The following TOMM70 variants were observed in gnomAD, a reference collection of about 807,000 sequenced individuals.
TOMM70 encodes translocase of outer mitochondrial membrane 70.
A neutral mutation model predicts 73.6 loss-of-function variants in TOMM70; 13 were observed. That is an observed-to-expected ratio of 0.18 (90% confidence interval 0.11 to 0.28). The LOEUF (loss-of-function observed/expected upper bound fraction) is 0.28, where lower values mean the gene tolerates loss of function less well. TOMM70 is among the 10% of genes least tolerant of loss of function. TOMM70 has a pLI of 1.00. For synonymous variants in TOMM70, 257 were observed against 271.2 expected (o/e 0.95, Z 0.51); for missense variants, 609 against 747.5 (o/e 0.81, Z 2.16).
At chr3:100,367,932 T>C in intron 11 of TOMM70, 112 bp downstream of exon 11, 2 of 1,184,560 alleles carry the variant, frequency 1.7e-6, no homozygotes, top group Non-Finnish European at 1.1e-6. Flanking sequence ...ACGTGAATAA[T>C]ACAGGTGAAA....
intron 7 of TOMM70, 112 bp downstream of exon 7, chr3:100,374,906 C>T: frequency 8.0e-7 from 1 of 1,256,464 alleles, no homozygotes; most frequent in East Asian, 2.7e-5. Context: ...ACTTTGTTCA[C>T]AGCTATCAGA....
chr3:100,377,084 A>G (rs545706691), intron 6 of TOMM70, among the ~76,000 whole-genome samples: 5 of 152,354 alleles, frequency 3.3e-5, no homozygotes, highest in Non-Finnish European at 7.3e-5. Context: ...TAATGCAATG[A>G]GGAAACAGGT....
At position 100,386,866 on chromosome 3, in the gene TOMM70, G is replaced by A. The variant is rs1483059201; in HGVS notation, c.437C>T (p.Thr146Ile). ...TGTAGAAAGGTCAACATTCTTCTCT[G>A]TAGGGCACAAGCTAATAGCCTCAGT... ...CYTEAISLCP[T>I]EKNVDLSTFY... Residue 146 changes from threonine to isoleucine, a missense_variant, in exon 2 of 12, where the codon ACA (threonine) becomes ATA (isoleucine). Around this residue, in one of 2 missense-constraint regions of TOMM70, gnomAD observed 432 missense variants for 584.1 expected, o/e 0.74. Coordinates refer to ENST00000284320, the MANE Select transcript of TOMM70 (RefSeq NM_014820.5). The A allele has an allele frequency of 1.9e-6, 3 of 1,613,996 alleles. No individual in the cohort carries two copies. Among genetic ancestry groups the A allele is most frequent in the African/African-American group, 1.3e-5 (1 of 74,932 alleles).
chr3:100,377,991 A>T (rs1408499565), intron 5 of TOMM70, 79 bp from the exon 6 acceptor site: 2 of 1,304,338 alleles, frequency 1.5e-6, no homozygotes, highest in African/African-American at 2.9e-5. Flanking sequence ...TCACGCCTGT[A>T]ATCCCAGCAC....
intron 1 of TOMM70, among the ~76,000 whole-genome samples, chr3:100,389,287 C>G (rs944818280): frequency 6.6e-6 from 1 of 152,176 alleles, no homozygotes; most frequent in East Asian, 1.9e-4. Flanking sequence ...AACACAAGAA[C>G]AGAAATAGAA....
chr3:100,386,362 T>C lies in TOMM70; in HGVS notation c.499-18A>G. ...CATTTTTGCTGTAATTGAAAGTATT[T>C]AAAAAAAGTCACACTAAAGAAAGTA... is the stretch of plus-strand genomic sequence containing the variant. On this transcript the variant is annotated intron_variant, in intron 2 of 11. Transcript: ENST00000284320. 1.3e-6 allele frequency: 2 copies of C among 1,587,234 alleles called. No homozygotes were observed. Among genetic ancestry groups the C allele is most frequent in the East Asian group, 4.5e-5 (2 of 44,536 alleles).
chr3:100,388,299 C>T (rs1165125938), intron 1 of TOMM70, among the ~76,000 whole-genome samples: 2 of 152,108 alleles, frequency 1.3e-5, no homozygotes, highest in Non-Finnish European at 2.9e-5. Flanking sequence ...GGGGGGCAAT[C>T]GTCAGGGTGA....
At chr3:100,387,581 GAC>G (rs1195105016) in intron 1 of TOMM70, among the ~76,000 whole-genome samples, 1 of 126,558 alleles carries the variant, frequency 7.9e-6, no homozygotes, top group African/African-American at 3.6e-5. Context: ...CCAGCTAAAA[GAC>G]ACAGACACAG....
At chr3:100,389,191 C>A (rs1426714782) in intron 1 of TOMM70, among the ~76,000 whole-genome samples, 4 of 152,024 alleles carry the variant, frequency 2.6e-5, no homozygotes, top group African/African-American at 9.7e-5. Flanking sequence ...GTACTAAAAA[C>A]CAATTAAGTA....
At chr3:100,393,483 A>C (rs1324139423) in intron 1 of TOMM70, among the ~76,000 whole-genome samples, 1 of 152,044 alleles carries the variant, frequency 6.6e-6, no homozygotes, top group East Asian at 1.9e-4. Context: ...TTAAAAAAAA[A>C]CTACATATTG....
At chr3:100,385,517 A>G (rs1317573379) in intron 3 of TOMM70, among the ~76,000 whole-genome samples, 1 of 152,234 alleles carries the variant, frequency 6.6e-6, no homozygotes, top group Non-Finnish European at 1.5e-5. Flanking sequence ...AAGTGGAAAG[A>G]ACTTTTAGAT....
chr3:100,401,056 G>A lies in TOMM70; in HGVS notation c.-107C>T, dbSNP rs867110514. 3.0e-5 allele frequency: 36 copies of A among 1,207,212 alleles called. No homozygotes were observed. The Middle Eastern group carries it at 6.2e-4, about 21-fold the overall frequency. 74.8% of individuals were successfully genotyped at this position (1,207,212 alleles called of 1,614,324 possible). On this transcript the variant is annotated 5_prime_UTR_variant, in exon 1 of 12. Transcript: ENST00000284320. ...GGGAAGGAAAGCAATGAGCGAGCGA[G>A]CACGCTAGGCAGAGAGAGCGGACGA...
At chr3:100,396,014 G>GTTT (rs34486101) in intron 1 of TOMM70, among the ~76,000 whole-genome samples, 18 of 140,654 alleles carry the variant, frequency 1.3e-4, no homozygotes, top group Admixed American at 3.5e-4. Context: ...CTGGTATCAG[G>GTTT]TTTTTTTTTT....
At position 100,400,793 on chromosome 3, in the gene TOMM70, C is replaced by T. The variant is rs1208581805; in HGVS notation, c.157G>A (p.Ala53Thr). 8 of 1,545,518 alleles carry T rather than the reference C, an allele frequency of 5.2e-6. No individual in the cohort carries two copies. The highest frequency in any genetic ancestry group is 6.9e-6 in the Non-Finnish European group (8 of 1,153,160). The part of the protein sequence containing the change: ...LAVGAPLLLG[A>T]GAIYLWSRQQ... ...CGACTCCACAGGTATATGGCACCCG[C>T]GCCCAGCAGCAGGGGTGCCCCGACC... is the stretch of plus-strand genomic sequence containing the variant. The change falls in exon 1 of 12, where the codon GCG becomes ACG. Residue 53 changes from alanine (A) to threonine (T), a missense_variant. By Grantham distance (58) the Ala-to-Thr change is moderately conservative. Transcript: ENST00000284320.
At chr3:100,375,633 C>A (rs762679894) in intron 6 of TOMM70, among the ~76,000 whole-genome samples, 3 of 152,116 alleles carry the variant, frequency 2.0e-5, no homozygotes, top group South Asian at 2.1e-4. Flanking sequence ...TTTTATTTAT[C>A]CATTCATCAA....
In TOMM70 at chr3:100,400,908, G is replaced by T; in HGVS notation, c.42C>A (p.Ala14=). Residue 14 remains alanine (A), a synonymous_variant, in exon 1 of 12, where the codon GCC becomes GCA. Transcript: ENST00000284320. ...SKPVEAAVVA[A]AVPSSGSGVG... is the part of the protein sequence containing the mutation. ...CCCCACTCCCGGAGCTCGGTACAGC[G>T]GCTGCGACCACCGCTGCCTCCACAG... 1 of 1,528,902 alleles carries T rather than the reference G, an allele frequency of 6.5e-7. No homozygotes were observed. Among genetic ancestry groups the T allele is most frequent in the South Asian group, 1.2e-5 (1 of 83,730 alleles). The allele number at this position is 1,528,902 out of a possible 1,614,324, so 94.7% of individuals were successfully genotyped here.
intron 1 of TOMM70, among the ~76,000 whole-genome samples, chr3:100,387,337 C>G (rs1471764737): frequency 6.6e-6 from 1 of 152,046 alleles, no homozygotes; most frequent in Non-Finnish European, 1.5e-5. Flanking sequence ...GTCCCGACTA[C>G]CCGGGTGGCT....
chr3:100,376,719 T>A (rs1241688113), intron 6 of TOMM70, among the ~76,000 whole-genome samples: 1 of 152,188 alleles, frequency 6.6e-6, no homozygotes, highest in South Asian at 2.1e-4. Flanking sequence ...TTTAGGGCTC[T>A]AATCCATTTT....
At position 100,369,268 on chromosome 3, in the gene TOMM70, ATTTACAT is replaced by A. The variant is rs1442543839; in HGVS notation, c.1453-140_1453-134del. ...TATCACGTTTTGGGGATACAGACTG[ATTTACAT>A]TTTACATCTTAATTATCGGAGTTTT... On this transcript the variant is annotated intron_variant, in intron 9 of 11. Transcript: ENST00000284320. 7 of 663,016 alleles carry A rather than the reference ATTTACAT, an allele frequency of 1.1e-5. No homozygotes were observed. The African/African-American group carries it at 1.1e-4, about 10-fold the overall frequency. The allele number at this position is 663,016 out of a possible 1,614,324, so 41.1% of individuals were successfully genotyped here.
Sources: allele counts gnomAD v4.1 joint callset (sites outside exome capture counted in the v4.1 genomes callset), GRCh38; gene constraint gnomAD v4.1.1; regional missense constraint gnomAD v4.1.1; transcripts MANE v1.5; gene names NCBI Gene and HGNC (gene_info 2026-07-23, HGNC 2026-07-21).